Variants in LRIF1 observed in about 807,000 individuals in gnomAD.
LRIF1 encodes ligand dependent nuclear receptor interacting factor 1, also known as ligand-dependent nuclear receptor-interacting factor 1.
A neutral mutation model predicts 52.7 loss-of-function variants in LRIF1; 32 were observed. The ratio of observed to expected loss-of-function variants is 0.61; its 90% CI spans 0.46 to 0.82. The LOEUF is 0.82. Among genes scored for constraint, LRIF1 ranks in the 40% least tolerant of loss-of-function variants. The pLI is 0.00. For missense variants in LRIF1, 887 were observed against 892.0 expected (o/e 0.99, Z 0.07); for synonymous variants, 323 against 317.4 (o/e 1.02, Z -0.19).
At chr1:110,891,339 T>G in the LRIF1 span, 2 of 1,213,578 alleles carry the variant, frequency 1.6e-6, no homozygotes, top group Non-Finnish European at 2.5e-6. Flanking sequence ...CACTCTGATC[T>G]CTGGCTACCT....
the LRIF1 span, among the ~76,000 whole-genome samples, chr1:110,912,055 G>T: frequency 1.3e-5 from 2 of 152,092 alleles, no homozygotes; most frequent in African/African-American, 2.4e-5. Flanking sequence ...AAAAGAACAA[G>T]TCAAACTATC....
chr1:110,947,915 T>C lies in LRIF1; in HGVS notation c.*44A>G. Reference sequence around the variant, plus strand: ...CAATTAACTTATTAATGCTGAAGTATATTTTAAAAAACAGCTATTTCACTG... The same window carrying C: ...CAATTAACTTATTAATGCTGAAGTACATTTTAAAAAACAGCTATTTCACTG... On this transcript the variant is annotated 3_prime_UTR_variant, in exon 4 of 4. Coordinates refer to ENST00000369763, the MANE Select transcript of LRIF1 (RefSeq NM_018372.4). 1.3e-6 allele frequency: 2 copies of C among 1,531,046 alleles called. No homozygotes were observed. Among genetic ancestry groups the C allele is most frequent in the Non-Finnish European group, 8.7e-7 (1 of 1,144,478 alleles). 94.8% of individuals were successfully genotyped at this position (1,531,046 alleles called of 1,614,324 possible). A position where few individuals can be genotyped will look rare whatever the true frequency, so the allele number is the denominator to read the frequency against.
intron 1 of LRIF1, among the ~76,000 whole-genome samples, chr1:110,956,701 A>G (rs1658713352): frequency 1.3e-5 from 2 of 152,202 alleles, no homozygotes; most frequent in African/African-American, 4.8e-5. Flanking sequence ...TGTAATAAAG[A>G]TGAGGTGACA....
intron 3 of LRIF1, among the ~76,000 whole-genome samples, chr1:110,948,845 T>G (rs541197930): frequency 2.6e-5 from 4 of 152,324 alleles, no homozygotes. Context: ...TAGGCAAAGT[T>G]ATAGACATTT....
At chr1:110,883,984 G>T in the LRIF1 span, among the ~76,000 whole-genome samples, 1 of 151,640 alleles carries the variant, frequency 6.6e-6, no homozygotes, top group African/African-American at 2.4e-5. Flanking sequence ...AACTTTTGTG[G>T]GGTTTTTAAA....
At chr1:110,954,016 T>C (rs1028339875) in intron 1 of LRIF1, among the ~76,000 whole-genome samples, 66 of 152,168 alleles carry the variant, frequency 4.3e-4, no homozygotes, top group South Asian at 2.1e-4. Context: ...CCATATACCA[T>C]AGACCTAGCA....
chr1:110,877,386 G>C, the LRIF1 span, among the ~76,000 whole-genome samples: 2 of 152,138 alleles, frequency 1.3e-5, no homozygotes, highest in African/African-American at 4.8e-5. Flanking sequence ...TCTAGCCGAG[G>C]GACCCCGTAT....
chr1:110,894,524 G>A, the LRIF1 span: 1 of 753,658 alleles, frequency 1.3e-6, no homozygotes, highest in Non-Finnish European at 2.3e-6. Context: ...TGGAAGGATA[G>A]AGGAAACAGA....
At chr1:110,875,556 G>T in the LRIF1 span, among the ~76,000 whole-genome samples, 1 of 152,288 alleles carries the variant, frequency 6.6e-6, no homozygotes, top group East Asian at 1.9e-4. Flanking sequence ...GGTTTGTTCT[G>T]CGTCCCTAGA....
At chr1:110,892,789 G>A in the LRIF1 span, 1 of 410,762 alleles carries the variant, frequency 2.4e-6, no homozygotes, top group Middle Eastern at 6.3e-4. Context: ...TGTCATTATT[G>A]TAATTCCCCT....
the LRIF1 span, among the ~76,000 whole-genome samples, chr1:110,919,341 T>G: frequency 2.3e-4 from 35 of 152,146 alleles, no homozygotes; most frequent in African/African-American, 8.4e-4. Context: ...GCAGAAAAAC[T>G]CGAAAAGGTG....
chr1:110,962,744 A>C (rs1486885369), intron 1 of LRIF1, among the ~76,000 whole-genome samples: 1 of 152,182 alleles, frequency 6.6e-6, no homozygotes, highest in African/African-American at 2.4e-5. Flanking sequence ...GATTTTCTTC[A>C]AACGAAAATC....
chr1:110,912,984 A>G, the LRIF1 span, among the ~76,000 whole-genome samples: 1 of 152,342 alleles, frequency 6.6e-6, no homozygotes, highest in South Asian at 2.1e-4. Flanking sequence ...ACACAGACAC[A>G]CAGACTAATG....
At chr1:110,903,059 T>G in the LRIF1 span, among the ~76,000 whole-genome samples, 7 of 152,274 alleles carry the variant, frequency 4.6e-5, no homozygotes, top group East Asian at 1.4e-3. Context: ...TGCCTGCCCA[T>G]GGAGGGAGCA....
chr1:110,904,493 C>A, the LRIF1 span, among the ~76,000 whole-genome samples: 1 of 152,214 alleles, frequency 6.6e-6, no homozygotes, highest in Non-Finnish European at 1.5e-5. Context: ...ACAAGATTCT[C>A]TGCCTGGTAA....
chr1:110,895,744 T>C, the LRIF1 span, among the ~76,000 whole-genome samples: 1 of 152,290 alleles, frequency 6.6e-6, no homozygotes, highest in East Asian at 1.9e-4. Context: ...TATTACATAA[T>C]TTTTAGAAAT....
In LRIF1 at chr1:110,963,685, A is replaced by C; in HGVS notation, c.4T>G (p.Ser2Ala). Reference protein sequence around the residue: MSNNLRRVFLKP... With the variant: MANNLRRVFLKP... Reference sequence around the variant, plus strand: ...AGGAAGACCCTCCGTAGGTTATTTGACATTTTAGTGGGGAGAAAGGGGACA... The same window carrying C: ...AGGAAGACCCTCCGTAGGTTATTTGCCATTTTAGTGGGGAGAAAGGGGACA... The change falls in exon 1 of 4, where the codon TCA (serine) becomes GCA (alanine). Residue 2 changes from serine (S) to alanine (A), a missense_variant. Ser to Ala is a moderately conservative substitution (Grantham distance 99). Coordinates refer to ENST00000369763, the MANE Select transcript of LRIF1 (RefSeq NM_018372.4). The C allele has an allele frequency of 1.2e-6, 2 of 1,605,408 alleles. No individual in the cohort carries two copies. The highest frequency in any genetic ancestry group is 2.2e-5 in the South Asian group (2 of 90,456).
At chr1:110,888,329 G>A in the LRIF1 span, among the ~76,000 whole-genome samples, 13 of 152,230 alleles carry the variant, frequency 8.5e-5, no homozygotes, top group South Asian at 4.2e-4. Flanking sequence ...TGTACATTGC[G>A]GTGTCCTGTA....
At chr1:110,892,613 C>A in the LRIF1 span, 2 of 1,101,692 alleles carry the variant, frequency 1.8e-6, no homozygotes, top group African/African-American at 1.6e-5. Flanking sequence ...CTTGGTAGAT[C>A]ACTTATAGGC....
Sources: gnomAD v4.1 joint callset for allele counts (sites outside exome capture counted in the v4.1 genomes callset) on GRCh38, gnomAD v4.1.1 for gene constraint, MANE v1.5 for transcripts, NCBI Gene and HGNC (gene_info 2026-07-23, HGNC 2026-07-21) for gene names.